ABCC4: variants seen among roughly 807,000 people sequenced by gnomAD.
ABCC4 encodes the protein ATP binding cassette subfamily C member 4 (PEL blood group), also known as ATP-binding cassette sub-family C member 4.
ABCC4 carries 102 observed loss-of-function variants against 168.5 expected under a neutral mutation model. The observed-to-expected ratio is 0.61, with a 90% confidence interval of 0.52 to 0.71. The LOEUF is 0.71. ABCC4 is among the 30% of genes least tolerant of loss of function. ABCC4 has a pLI of 0.00. For synonymous variants in ABCC4, 617 were observed against 590.7 expected (o/e 1.04, Z -0.65); for missense variants, 1,402 against 1,605.8 (o/e 0.87, Z 2.17).
At chr13:95,201,762 C>T (rs1162773715) in intron 8 of ABCC4, among the ~76,000 whole-genome samples, 2 of 152,132 alleles carry the variant, frequency 1.3e-5, no homozygotes, top group Non-Finnish European at 2.9e-5. Flanking sequence ...CACTTGAGGT[C>T]AGGAATTCGA....
rs559957697 is a variant in ABCC4 at position 95,300,741 on chromosome 13, T to C, written c.74+500A>G. Among the ~76,000 whole-genome samples the C allele has an allele frequency of 4.6e-5, 7 of 152,302 alleles. No individual in the cohort carries two copies. In the South Asian group the frequency reaches 1.5e-3, roughly 32 times the overall value. On this transcript the variant is annotated intron_variant, in intron 1 of 30. Coordinates refer to ENST00000645237, the MANE Select transcript of ABCC4 (RefSeq NM_005845.5). ...TAGGTCCAGGACACTAATTAGGCTT[T>C]GGCTGAGATCAGATAAAGGAAACTG... is the stretch of plus-strand genomic sequence containing the variant.
At chr13:95,268,003 C>G (rs951436732) in intron 1 of ABCC4, among the ~76,000 whole-genome samples, 3 of 152,142 alleles carry the variant, frequency 2.0e-5, no homozygotes. Context: ...ATACTCTGGG[C>G]ATTGTCAGAC....
chr13:95,266,812 T>C (rs1425606559), intron 1 of ABCC4, among the ~76,000 whole-genome samples: 1 of 145,902 alleles, frequency 6.9e-6, no homozygotes, highest in Non-Finnish European at 1.5e-5. Context: ...TTTGGTTGTG[T>C]CCCTACTCAA....
intron 9 of ABCC4, among the ~76,000 whole-genome samples, chr13:95,189,801 C>T (rs1393694172): frequency 6.6e-6 from 1 of 152,184 alleles, no homozygotes; most frequent in Admixed American, 6.5e-5. Flanking sequence ...GTTACACCTG[C>T]AGCTTGTGTT....
chr13:95,292,432 G>T (rs1156645357), intron 1 of ABCC4, among the ~76,000 whole-genome samples: 1 of 152,052 alleles, frequency 6.6e-6, no homozygotes, highest in African/African-American at 2.4e-5. Flanking sequence ...TATGAAGGGA[G>T]GTAGCCAACT....
chr13:95,173,983 T>A (rs1025548395), intron 13 of ABCC4, among the ~76,000 whole-genome samples: 2 of 152,144 alleles, frequency 1.3e-5, no homozygotes, highest in African/African-American at 4.8e-5. Context: ...GTAGAAACAA[T>A]TTTCTATTGT....
chr13:95,283,627 AAG>A (rs1359029289), intron 1 of ABCC4, among the ~76,000 whole-genome samples: 1 of 152,044 alleles, frequency 6.6e-6, no homozygotes, highest in Non-Finnish European at 1.5e-5. Context: ...TGCAGAGATT[AAG>A]AGAGGGGGCC....
intron 1 of ABCC4, among the ~76,000 whole-genome samples, chr13:95,256,798 C>T (rs186872773): frequency 6.6e-6 from 1 of 151,956 alleles, no homozygotes; most frequent in Non-Finnish European, 1.5e-5. Context: ...AAAATCTGGA[C>T]ATTAATTAGT....
Position 95,184,196 on chromosome 13 carries a change from G to A in ABCC4, c.1545+2505C>T, listed in dbSNP as rs547819807. Among the ~76,000 whole-genome samples, 16 of 152,298 alleles carry A rather than the reference G, an allele frequency of 1.1e-4. 2 individuals are homozygous for A. The highest frequency in any genetic ancestry group is 7.7e-4 in the East Asian group (4 of 5,176). ...TGGGCCAGTCCTCAAAGGTGGCTAC[G>A]GAAGAGGCTGAATGGCAGCCACTGT... On this transcript the variant is annotated intron_variant, in intron 11 of 30. Transcript: ENST00000645237.
chr13:95,272,248 G>A (rs933907982), intron 1 of ABCC4, among the ~76,000 whole-genome samples: 1 of 150,310 alleles, frequency 6.7e-6, no homozygotes, highest in African/African-American at 2.5e-5. Flanking sequence ...GTTTCACCAC[G>A]TTGGCCAGGC....
intron 19 of ABCC4, among the ~76,000 whole-genome samples, chr13:95,139,253 G>C (rs780052621): frequency 6.6e-6 from 1 of 152,224 alleles, no homozygotes; most frequent in Non-Finnish European, 1.5e-5. Flanking sequence ...GACATGATGG[G>C]AACATCATTA....
At position 95,209,669 on chromosome 13, in the gene ABCC4, G is replaced by A. The variant is rs549089006; in HGVS notation, c.622-72C>T. ...ACCAGTAAGAACACAGTACAGAAAC[G>A]ATCCACTGGAAAAGAACAGGCAAGA... On this transcript the variant is annotated intron_variant, in intron 5 of 30. Coordinates refer to ENST00000645237, the MANE Select transcript of ABCC4 (RefSeq NM_005845.5). 3.6e-5 allele frequency: 50 copies of A among 1,381,584 alleles called. No homozygotes were observed. In the East Asian group the frequency reaches 4.4e-4, roughly 12 times the overall value. The allele number at this position is 1,381,584 out of a possible 1,614,324, so 85.6% of individuals were successfully genotyped here.
chr13:95,173,598 T>C (rs980154736), intron 13 of ABCC4, among the ~76,000 whole-genome samples: 19 of 152,120 alleles, frequency 1.2e-4, no homozygotes, highest in Non-Finnish European at 2.6e-4. Context: ...TGGTCTTGCA[T>C]GGCAAGGGTT....
chr13:95,205,150 C>T (rs375092923), intron 8 of ABCC4, among the ~76,000 whole-genome samples: 1 of 152,164 alleles, frequency 6.6e-6, no homozygotes, highest in Non-Finnish European at 1.5e-5. Context: ...TAAGAAATGA[C>T]CCTGTATGGT....
chr13:95,201,678 A>AGAGTGTG (rs1444576721), intron 8 of ABCC4, among the ~76,000 whole-genome samples: 1 of 152,194 alleles, frequency 6.6e-6, no homozygotes, highest in Non-Finnish European at 1.5e-5. Flanking sequence ...TGAGGATTAA[A>AGAGTGTG]GAGTGTGTGA....
intron 6 of ABCC4, among the ~76,000 whole-genome samples, chr13:95,208,503 G>A (rs1249904147): frequency 2.0e-5 from 3 of 151,486 alleles, no homozygotes; most frequent in South Asian, 2.1e-4. Context: ...GGCTCATCTC[G>A]ATCCAGCTGA....
At chr13:95,219,800 T>G (rs932975359) in intron 4 of ABCC4, among the ~76,000 whole-genome samples, 2 of 152,088 alleles carry the variant, frequency 1.3e-5, no homozygotes, top group Admixed American at 6.5e-5. Flanking sequence ...ATTAGAGGTG[T>G]GTTTGGCATC....
chr13:95,246,145 G>A (rs958998201), intron 3 of ABCC4, among the ~76,000 whole-genome samples: 5 of 152,176 alleles, frequency 3.3e-5, no homozygotes, highest in African/African-American at 1.2e-4. Flanking sequence ...GCCCTTCGGG[G>A]TAACAGAGGT....
chr13:95,075,358 A>T (rs2033861492), intron 22 of ABCC4, 74 bp downstream of exon 22: 1 of 1,597,816 alleles, frequency 6.3e-7, no homozygotes, highest in African/African-American at 1.3e-5. Context: ...CAACAAGCTC[A>T]TCTGACCAGG....
Sources: gnomAD v4.1 joint callset for allele counts (sites outside exome capture counted in the v4.1 genomes callset) on GRCh38, gnomAD v4.1.1 for gene constraint, MANE v1.5 for transcripts, NCBI Gene and HGNC (gene_info 2026-07-23, HGNC 2026-07-21) for gene names.